Variants in CCSER1 observed in about 807,000 individuals in gnomAD.
CCSER1 encodes coiled-coil serine rich protein 1, also known as serine-rich coiled-coil domain-containing protein 1.
Under a neutral mutation model 82.0 loss-of-function variants are expected in CCSER1, and 41 were observed. The ratio of observed to expected loss-of-function variants is 0.50; its 90% confidence interval spans 0.39 to 0.65. The LOEUF is 0.65. CCSER1 is among the 30% of genes least tolerant of loss of function. The probability of loss-of-function intolerance (pLI) is 0.00; values close to 1 mark genes in which losing one functional copy is unlikely to be tolerated. For synonymous variants in CCSER1, 414 were observed against 383.9 expected (o/e 1.08, Z -0.92); for missense variants, 1,119 against 1,064.2 (o/e 1.05, Z -0.72).
In CCSER1 at chr4:91,154,332, G is replaced by A. The variant is rs1305564527; in HGVS notation, c.2217+68338G>A. On this transcript the variant is annotated intron_variant, in intron 10 of 10. Coordinates refer to ENST00000509176, the MANE Select transcript of CCSER1 (RefSeq NM_001145065.2). The stretch of plus-strand genomic sequence containing the variant: ...AGCCAGGCACGGGATATAATCTCCT[G>A]GTATGCCATTTGCTAAGACCGTGGG... 2.0e-5 allele frequency among the ~76,000 whole-genome samples: 3 copies of A among 152,076 alleles called. No homozygotes were observed. In the East Asian group the frequency reaches 5.8e-4, roughly 29 times the overall value.
intron 6 of CCSER1, among the ~76,000 whole-genome samples, chr4:90,634,252 A>G (rs2148947913): frequency 6.6e-6 from 1 of 151,904 alleles, no homozygotes; most frequent in East Asian, 1.9e-4. Flanking sequence ...TATATAATTT[A>G]CAGGCCCATA....
intron 9 of CCSER1, among the ~76,000 whole-genome samples, chr4:91,017,990 T>G (rs1739583855): frequency 6.6e-6 from 1 of 152,106 alleles, no homozygotes; most frequent in Non-Finnish European, 1.5e-5. Flanking sequence ...CATTTGATTA[T>G]TATGGTGATT....
intron 6 of CCSER1, among the ~76,000 whole-genome samples, chr4:90,664,304 A>G (rs962307245): frequency 3.9e-5 from 6 of 152,322 alleles, no homozygotes; most frequent in Non-Finnish European, 8.8e-5. Context: ...TAATGTAATG[A>G]TATAATTTTG....
intron 1 of CCSER1, among the ~76,000 whole-genome samples, chr4:90,305,071 C>T (rs1285121370): frequency 6.6e-6 from 1 of 152,028 alleles, no homozygotes; most frequent in African/African-American, 2.4e-5. Context: ...CGCCCACCAC[C>T]ATGCCTGGAT....
chr4:90,656,301 C>T (rs1204925357), intron 6 of CCSER1, among the ~76,000 whole-genome samples: 1 of 151,602 alleles, frequency 6.6e-6, no homozygotes, highest in Non-Finnish European at 1.5e-5. Flanking sequence ...TTCTATTTAT[C>T]TATTATGACT....
At chr4:90,890,642 G>C (rs1359360079) in intron 8 of CCSER1, among the ~76,000 whole-genome samples, 1 of 152,122 alleles carries the variant, frequency 6.6e-6, no homozygotes, top group Non-Finnish European at 1.5e-5. Flanking sequence ...GCTTTCCTGT[G>C]GGATGAAGCC....
intron 9 of CCSER1, among the ~76,000 whole-genome samples, chr4:91,021,546 T>C (rs1236271891): frequency 6.6e-6 from 1 of 152,198 alleles, no homozygotes; most frequent in African/African-American, 2.4e-5. Context: ...TGAGTCAAAG[T>C]ATAATTATTT....
intron 10 of CCSER1, among the ~76,000 whole-genome samples, chr4:91,123,716 C>A (rs1472127720): frequency 6.6e-6 from 1 of 151,734 alleles, no homozygotes; most frequent in African/African-American, 2.4e-5. Context: ...TAATTCTTTA[C>A]ACTTGGTTTT....
intron 9 of CCSER1, among the ~76,000 whole-genome samples, chr4:90,953,439 T>G (rs979702305): frequency 4.0e-5 from 6 of 151,618 alleles, no homozygotes; most frequent in Non-Finnish European, 7.4e-5. Flanking sequence ...CAGTAAATAT[T>G]TATTGAACAT....
intron 8 of CCSER1, among the ~76,000 whole-genome samples, chr4:90,825,204 G>A (rs993084951): frequency 2.6e-5 from 4 of 152,172 alleles, no homozygotes; most frequent in African/African-American, 9.7e-5. Flanking sequence ...CAATAGGAAG[G>A]TGTTTTACCT....
intron 10 of CCSER1, among the ~76,000 whole-genome samples, chr4:91,277,526 CTTTT>C (rs552319172): frequency 1.0e-5 from 1 of 100,022 alleles, no homozygotes; most frequent in African/African-American, 3.6e-5. Flanking sequence ...CCATTTTGTC[CTTTT>C]TTTTTTTTTT....
At chr4:90,996,828 TATAA>T (rs1212906011) in intron 9 of CCSER1, among the ~76,000 whole-genome samples, 1 of 152,214 alleles carries the variant, frequency 6.6e-6, no homozygotes, top group Non-Finnish European at 1.5e-5. Flanking sequence ...AAGTTGATTG[TATAA>T]ATAGTGTGCT....
intron 8 of CCSER1, among the ~76,000 whole-genome samples, chr4:90,899,791 A>T (rs978695201): frequency 1.3e-5 from 2 of 152,028 alleles, no homozygotes; most frequent in Admixed American, 1.3e-4. Flanking sequence ...CATCCTAGTA[A>T]CAAAATTCAC....
At position 91,047,410 on chromosome 4, in the gene CCSER1, A is replaced by ATC. The variant is rs1742605970; in HGVS notation, c.2173-38535_2173-38534dup. Among the ~76,000 whole-genome samples, 3 of 152,220 alleles carry ATC rather than the reference A, an allele frequency of 2.0e-5. No individual in the cohort carries two copies. In the South Asian group the frequency reaches 6.2e-4, roughly 32 times the overall value. On this transcript the variant is annotated intron_variant, in intron 9 of 10. Transcript: ENST00000509176. ...TGAAACCCTGAAAAATAATGCTTCC[A>ATC]TCTCTCCATCTCTCTACCACAATAA...
chr4:90,318,386 C>T (rs1293943959), intron 3 of CCSER1, among the ~76,000 whole-genome samples: 1 of 152,106 alleles, frequency 6.6e-6, no homozygotes, highest in Non-Finnish European at 1.5e-5. Context: ...GCAAAGTTGC[C>T]CTGTACTATT....
At chr4:90,570,303 T>C (rs1482996598) in intron 5 of CCSER1, among the ~76,000 whole-genome samples, 2 of 152,102 alleles carry the variant, frequency 1.3e-5, no homozygotes, top group Non-Finnish European at 2.9e-5. Flanking sequence ...TCAGGCCTGC[T>C]CCCATGGCAG....
rs535841996 is a variant in CCSER1, at chr4:91,491,530, A to G, written c.2218-107042A>G. Among the ~76,000 whole-genome samples, 221 of 152,254 alleles carry G rather than the reference A, an allele frequency of 1.5e-3. 1 individual carries two copies. Among genetic ancestry groups the G allele is most frequent in the Admixed American group, 7.3e-3 (111 of 15,278 alleles). Reference sequence around the variant, plus strand: ...ATCATATTATTGTTAAATTGCAGGAATATATGCTCAAGATATTGGTTGGCC... The same window carrying G: ...ATCATATTATTGTTAAATTGCAGGAGTATATGCTCAAGATATTGGTTGGCC... On this transcript the variant is annotated intron_variant, in intron 10 of 10. Transcript: ENST00000509176.
chr4:90,697,085 G>A (rs6842733), intron 6 of CCSER1, among the ~76,000 whole-genome samples: 1,664 of 152,270 alleles, frequency 0.011, 33 homozygotes, highest in African/African-American at 0.038. Context: ...CTGTGGCTGC[G>A]TGTAAGGAAC....
chr4:91,389,514 G>A (rs1049599338), intron 10 of CCSER1, among the ~76,000 whole-genome samples: 9 of 151,900 alleles, frequency 5.9e-5, no homozygotes, highest in African/African-American at 1.9e-4. Context: ...GGTAGTGTCC[G>A]TCTTCTAACT....
Sources: gnomAD v4.1 joint callset for allele counts (sites outside exome capture counted in the v4.1 genomes callset) on GRCh38, gnomAD v4.1.1 for gene constraint, MANE v1.5 for transcripts, NCBI Gene and HGNC (gene_info 2026-07-23, HGNC 2026-07-21) for gene names.